FLT1: variants seen among roughly 807,000 people sequenced by gnomAD.
FLT1 encodes fms related receptor tyrosine kinase 1.
A neutral mutation model predicts 156.3 loss-of-function variants in FLT1; 49 were observed. The observed-to-expected ratio is 0.31, with a 90% CI of 0.25 to 0.40. The LOEUF is 0.40. Ranked by LOEUF, FLT1 falls within the 10% of genes least tolerant of loss-of-function variation. FLT1 has a pLI of 1.00. For synonymous variants in FLT1, 594 were observed against 583.8 expected (o/e 1.02, Z -0.25); for missense variants, 1,322 against 1,637.2 (o/e 0.81, Z 3.32).
At chr13:28,327,832 A>G (rs1047230923) in intron 19 of FLT1, among the ~76,000 whole-genome samples, 22 of 151,740 alleles carry the variant, frequency 1.4e-4, no homozygotes, top group African/African-American at 4.4e-4. Flanking sequence ...GAAGGACAGA[A>G]ATACGTTTGA....
intron 16 of FLT1, among the ~76,000 whole-genome samples, chr13:28,344,133 G>A (rs1359487852): frequency 5.3e-5 from 8 of 151,960 alleles, no homozygotes; most frequent in African/African-American, 1.9e-4. Flanking sequence ...TCTTCCCCAA[G>A]GCTTCCCATT....
chr13:28,423,184 C>T (rs904933380), intron 10 of FLT1, among the ~76,000 whole-genome samples: 7 of 152,046 alleles, frequency 4.6e-5, no homozygotes, highest in African/African-American at 1.7e-4. Context: ...CCCAGTCAGC[C>T]CACCCCAGCC....
At chr13:28,465,268 G>A (rs1291790136) in intron 3 of FLT1, among the ~76,000 whole-genome samples, 1 of 152,150 alleles carries the variant, frequency 6.6e-6, no homozygotes. Context: ...CCACTCATAT[G>A]TGGAAGTGAG....
At chr13:28,483,691 G>A (rs545767726) in intron 1 of FLT1, among the ~76,000 whole-genome samples, 3 of 152,222 alleles carry the variant, frequency 2.0e-5, no homozygotes, top group African/African-American at 7.2e-5. Flanking sequence ...AGGAGCTACG[G>A]GGCTTAAAGA....
At chr13:28,339,142 A>G (rs1385673705) in intron 17 of FLT1, 26 bp downstream of exon 17, 1 of 1,610,676 alleles carries the variant, frequency 6.2e-7, no homozygotes, top group Non-Finnish European at 8.5e-7. Context: ...GTATAGGTTT[A>G]TGAATCTGTT....
intron 10 of FLT1, among the ~76,000 whole-genome samples, chr13:28,415,117 A>G (rs986879983): frequency 6.6e-6 from 1 of 152,198 alleles, no homozygotes; most frequent in African/African-American, 2.4e-5. Flanking sequence ...CAAATAGGAA[A>G]CTGACTGGCA....
Position 28,412,385 on chromosome 13 carries a change from T to TTTCTTTCTTTCTTTCTTTCCTTCC in FLT1, c.1437-6492_1437-6491insGGAAGGAAAGAAAGAAAGAAAGAA, listed in dbSNP as rs1593762426. On this transcript the variant is annotated intron_variant, in intron 10 of 29. Transcript: ENST00000282397. ...CTTTCTTTCTTTCTTTCTTTCTTTC[T>TTTCTTTCTTTCTTTCTTTCCTTCC]TTCTTTCTTTCTTTCTTTCTTTCTT... is the stretch of plus-strand genomic sequence containing the variant. Among the ~76,000 whole-genome samples the TTTCTTTCTTTCTTTCTTTCCTTCC allele has an allele frequency of 8.7e-4, 74 of 84,996 alleles. 1 individual carries two copies. The highest frequency in any genetic ancestry group is 2.2e-3 in the South Asian group (5 of 2,260). The allele number at this position is 84,996 out of a possible 152,430, so 55.8% of individuals were successfully genotyped here.
rs532310270 is a variant in FLT1 at position 28,387,017 on chromosome 13, A to G, written c.1970-1986T>C. On this transcript the variant is annotated intron_variant, in intron 13 of 29. Coordinates refer to ENST00000282397, the MANE Select transcript of FLT1 (RefSeq NM_002019.4). ...TGTTTTTCTAGCTACAAAGTATAGC[A>G]TCATCAACACAGACACGATTTGGAC... is the stretch of plus-strand genomic sequence containing the variant. 7 of 1,038,990 alleles carry G rather than the reference A, an allele frequency of 6.7e-6. No individual in the cohort carries two copies. In the South Asian group the frequency reaches 2.3e-4, roughly 34 times the overall value. 64.4% of individuals were successfully genotyped at this position (1,038,990 alleles called of 1,614,324 possible). A position where few individuals can be genotyped will look rare whatever the true frequency, so the allele number is the denominator to read the frequency against.
intron 1 of FLT1, among the ~76,000 whole-genome samples, chr13:28,475,634 G>A (rs922210982): frequency 6.6e-6 from 1 of 152,162 alleles, no homozygotes; most frequent in African/African-American, 2.4e-5. Context: ...GAATGCAATT[G>A]CAAATTTCCG....
intron 11 of FLT1, chr13:28,399,109 C>A: frequency 6.5e-7 from 1 of 1,550,090 alleles, no homozygotes; most frequent in Non-Finnish European, 8.7e-7. Flanking sequence ...GAACTGTTAG[C>A]TGGTGGAAGC....
At chr13:28,402,868 C>A (rs1279335603) in intron 11 of FLT1, among the ~76,000 whole-genome samples, 1 of 152,162 alleles carries the variant, frequency 6.6e-6, no homozygotes, top group East Asian at 1.9e-4. Flanking sequence ...TGGCTCACTG[C>A]AACCTCCACC....
chr13:28,472,873 GA>G (rs1465083320), intron 1 of FLT1, among the ~76,000 whole-genome samples: 1 of 152,078 alleles, frequency 6.6e-6, no homozygotes, highest in Non-Finnish European at 1.5e-5. Context: ...GTATAAGTTA[GA>G]AATCACATTT....
chr13:28,440,039 CACCT>C (rs1362435998), intron 3 of FLT1, among the ~76,000 whole-genome samples: 1 of 152,126 alleles, frequency 6.6e-6, no homozygotes, highest in African/African-American at 2.4e-5. Flanking sequence ...TGGTCCCTGG[CACCT>C]ATATGTTAAT....
rs144156426 is a variant in FLT1, at chr13:28,421,103, C to T, written c.1436+6056G>A. On this transcript the variant is annotated intron_variant, in intron 10 of 29. Coordinates refer to ENST00000282397, the MANE Select transcript of FLT1 (RefSeq NM_002019.4). ...CATAGTACTCTACTGCTGGTGCACACGAAGAGTGTTTCAGACATGAGATGT... is the reference window on the plus strand; with the variant it reads ...CATAGTACTCTACTGCTGGTGCACATGAAGAGTGTTTCAGACATGAGATGT... Among the ~76,000 whole-genome samples, 1,369 of 152,078 alleles carry T rather than the reference C, an allele frequency of 9.0e-3. 53 individuals carry two copies. The highest frequency in any genetic ancestry group is 0.063 in the Admixed American group (968 of 15,262).
intron 14 of FLT1, among the ~76,000 whole-genome samples, chr13:28,372,068 A>ATT (rs1873613378): frequency 1.5e-4 from 3 of 20,218 alleles, no homozygotes; most frequent in African/African-American, 2.7e-4. Context: ...ATATATATAT[A>ATT]TATATATATT....
chr13:28,430,257 G>T, intron 7 of FLT1, 90 bp from the exon 8 acceptor site: 1 of 866,204 alleles, frequency 1.2e-6, no homozygotes, highest in South Asian at 1.4e-5. Context: ...TGTAATCAAT[G>T]AGTAAATAAA....
chr13:28,372,028 G>GTGTA (rs1873594162), intron 14 of FLT1, among the ~76,000 whole-genome samples: 1 of 12,882 alleles, frequency 7.8e-5, no homozygotes, highest in Non-Finnish European at 2.0e-4. Flanking sequence ...TGGTGTGTGT[G>GTGTA]TGTGTGTGTG....
Position 28,433,863 on chromosome 13 carries a change from G to T in FLT1, c.769C>A (p.Pro257Thr). Residue 257 changes from proline to threonine, a missense_variant, in exon 6 of 30, where the codon CCC becomes ACC. Around this residue, in one of 3 missense-constraint regions of FLT1, gnomAD observed 991 missense variants for 1,254.8 expected, o/e 0.79. Coordinates refer to ENST00000282397, the MANE Select transcript of FLT1 (RefSeq NM_002019.4). ...TLVLNCTATT[P>T]LNTRVQMTWS... ...GTCATTTGAACTCTCGTGTTCAAGGGAGTGGTAGCAGTACAATTGAGGACA... is the reference window on the plus strand; with the variant it reads ...GTCATTTGAACTCTCGTGTTCAAGGTAGTGGTAGCAGTACAATTGAGGACA... The T allele has an allele frequency of 6.2e-7, 1 of 1,613,900 alleles. No individual in the cohort carries two copies. The highest frequency in any genetic ancestry group is 8.5e-7 in the Non-Finnish European group (1 of 1,179,748).
intron 16 of FLT1, among the ~76,000 whole-genome samples, chr13:28,344,910 T>TC (rs1052923498): frequency 6.0e-5 from 9 of 150,350 alleles, no homozygotes; most frequent in Non-Finnish European, 1.2e-4. Flanking sequence ...AAAGTGATTT[T>TC]CCCACCTCAG....
Sources: gnomAD v4.1 joint callset for allele counts (sites outside exome capture counted in the v4.1 genomes callset) on GRCh38, gnomAD v4.1.1 for gene constraint, gnomAD v4.1.1 regional missense constraint, MANE v1.5 for transcripts, NCBI Gene and HGNC (gene_info 2026-07-23, HGNC 2026-07-21) for gene names.